CEP44: variants seen among roughly 807,000 people sequenced by gnomAD.
The protein encoded by CEP44 is centrosomal protein of 44 kDa.
A neutral mutation model predicts 46.7 loss-of-function variants in CEP44; 45 were observed. That is an observed-to-expected ratio of 0.96 (90% CI 0.76 to 1.24). CEP44 has a LOEUF of 1.24. Ranked by LOEUF, CEP44 falls within the 50% of genes most tolerant of loss-of-function variation. The pLI, the probability that CEP44 is intolerant of heterozygous loss-of-function variation, is 0.00. For missense variants in CEP44, 475 were observed against 459.7 expected (o/e 1.03, Z -0.30); for synonymous variants, 142 against 146.0 (o/e 0.97, Z 0.20).
Position 174,331,599 on chromosome 4 carries a change from C to G in CEP44, c.*4C>G, listed in dbSNP as rs1191163133. 6.4e-7 allele frequency: 1 copy of G among 1,550,926 alleles called. No individual in the cohort carries two copies. On this transcript the variant is annotated 3_prime_UTR_variant, in exon 9 of 9. Coordinates refer to the CEP44 transcript ENST00000426172. The surrounding 1 kb of genome is among the most constrained non-coding windows in gnomAD (Gnocchi z 4.5). ...TTGGCCTCTCTCCTGTGTGTAATCT[C>G]TGTTTCTTGGATCCTGTGCTTACCT...
rs1740820231 is a variant in CEP44, at chr4:174,309,409, T to TA, written c.679-440dup. Among the ~76,000 whole-genome samples, 1 of 152,072 alleles carries TA rather than the reference T, an allele frequency of 6.6e-6. No individual in the cohort carries two copies. ...AGTATATCAATATACAGTTGGCACT[T>TA]ACAAAAACTACCAGATGGCCATTGG... On this transcript the variant is annotated intron_variant, in intron 7 of 11. Coordinates refer to ENST00000503780, the MANE Select transcript of CEP44 (RefSeq NM_001040157.3). The surrounding 1 kb of genome is among the most constrained non-coding windows in gnomAD (Gnocchi z 5.3).
chr4:174,288,825 C>A lies in CEP44; in HGVS notation c.-148+4882C>A, dbSNP rs2126494208. Among the ~76,000 whole-genome samples the A allele has an allele frequency of 2.0e-5, 3 of 152,254 alleles. No homozygotes were observed. In the South Asian group the frequency reaches 6.2e-4, roughly 32 times the overall value. On this transcript the variant is annotated intron_variant, in intron 1 of 11. Coordinates refer to ENST00000503780, the MANE Select transcript of CEP44 (RefSeq NM_001040157.3). This position sits in a 1 kb window ranked among gnomAD's most constrained non-coding sequence, Gnocchi z 4.6. ...AAGTAGGCAACCTTGCCTTGTTCCT[C>A]ATCTTATGGGGAAAGCTTTCAGTTT...
intron 1 of CEP44, among the ~76,000 whole-genome samples, chr4:174,295,767 C>T (rs1211364181): frequency 2.0e-5 from 3 of 152,240 alleles, no homozygotes; most frequent in African/African-American, 7.2e-5. Flanking sequence ...TCCATATATC[C>T]TCTTTAGTGA....
chr4:174,294,206 G>C (rs1560890019), intron 1 of CEP44, among the ~76,000 whole-genome samples: 2 of 151,250 alleles, frequency 1.3e-5, no homozygotes. Context: ...CGCAGTGTTT[G>C]TGTCCCTGGG....
In CEP44 at chr4:174,331,770, T is replaced by G. The variant is rs1292293019; in HGVS notation, c.*175T>G. On this transcript the variant is annotated 3_prime_UTR_variant, in exon 9 of 9. Transcript: ENST00000426172. The surrounding 1 kb of genome is among the most constrained non-coding windows in gnomAD (Gnocchi z 4.5). ...TTCCTTCCTGCTACATGGGTAACAC[T>G]TAGTTGTTTGTCTAATTTCTATTTT... The G allele has an allele frequency of 2.7e-6, 2 of 730,210 alleles. No homozygotes were observed. The highest frequency in any genetic ancestry group is 4.0e-6 in the Non-Finnish European group (2 of 503,584). 45.2% of individuals were successfully genotyped at this position (730,210 alleles called of 1,614,324 possible).
At chr4:174,302,276 C>A in intron 4 of CEP44, 90 bp downstream of exon 4, 1 of 757,930 alleles carries the variant, frequency 1.3e-6, no homozygotes, top group Non-Finnish European at 2.2e-6. Flanking sequence ...ATATATGCAG[C>A]ATATACAATT....
In CEP44 at chr4:174,311,428, T is replaced by C. The variant is rs540475589; in HGVS notation, c.961+570T>C. Among the ~76,000 whole-genome samples the C allele has an allele frequency of 1.2e-3, 179 of 152,224 alleles. No individual in the cohort carries two copies. Among genetic ancestry groups the C allele is most frequent in the African/African-American group, 2.5e-3 (106 of 41,576 alleles). On this transcript the variant is annotated intron_variant, in intron 9 of 11. Coordinates refer to ENST00000503780, the MANE Select transcript of CEP44 (RefSeq NM_001040157.3). The surrounding 1 kb of genome is among the most constrained non-coding windows in gnomAD (Gnocchi z 4.4). ...AGTGACAGCTTTGTTTTGATTGTTA[T>C]GTATTTTTAAAAGATCTAAATTTTG... is the stretch of plus-strand genomic sequence containing the variant.
intron 2 of CEP44, among the ~76,000 whole-genome samples, chr4:174,298,792 T>C (rs1260118936): frequency 6.6e-6 from 1 of 152,120 alleles, no homozygotes; most frequent in Non-Finnish European, 1.5e-5. Flanking sequence ...AAAAAAACTA[T>C]TTGGGCAAGT....
intron 1 of CEP44, among the ~76,000 whole-genome samples, chr4:174,293,364 T>G (rs1219274673): frequency 6.6e-6 from 1 of 152,186 alleles, no homozygotes; most frequent in African/African-American, 2.4e-5. Context: ...AGCCTTCTAC[T>G]TGGACCCATC....
exon 9 of CEP44, chr4:174,332,784 A>G (rs1487410001): frequency 2.0e-5 from 3 of 152,198 alleles, no homozygotes; most frequent in African/African-American, 7.2e-5. Flanking sequence ...GAGCATATCC[A>G]TAAACTCTGG....
At chr4:174,291,948 G>C (rs1373050662) in intron 1 of CEP44, among the ~76,000 whole-genome samples, 4 of 151,298 alleles carry the variant, frequency 2.6e-5, no homozygotes, top group African/African-American at 9.7e-5. Context: ...GCACCACCAT[G>C]ACTGGCTAAT....
intron 8 of CEP44, among the ~76,000 whole-genome samples, chr4:174,330,083 T>C (rs1253392130): frequency 4.6e-5 from 7 of 152,216 alleles, no homozygotes. Flanking sequence ...ATTAAAATTT[T>C]CTTTAAAAGT....
chr4:174,294,815 C>T (rs1738707461), intron 1 of CEP44, among the ~76,000 whole-genome samples: 2 of 139,142 alleles, frequency 1.4e-5, no homozygotes, highest in Admixed American at 7.0e-5. Flanking sequence ...CTGACCCCCC[C>T]ACCTCCCTCC....
In CEP44 at chr4:174,317,908, C is replaced by A. The variant is rs1741915914; in HGVS notation, c.*525C>A. On this transcript the variant is annotated 3_prime_UTR_variant, in exon 12 of 12. Transcript: ENST00000503780. ...TCATGCTTGGTCAAAAACATCAATA[C>A]CTTTCCAATTAACACTGAGAAATTA... The A allele has an allele frequency of 8.1e-6, 8 of 985,470 alleles. No homozygotes were observed. The South Asian group carries it at 1.9e-4, about 23-fold the overall frequency. 61.0% of individuals were successfully genotyped at this position (985,470 alleles called of 1,614,324 possible).
chr4:174,310,005 T>A lies in CEP44; in HGVS notation c.834T>A (p.Asn278Lys). ...KVMVDENTWT[N>K]LLSRVTLLET... ...TGGTAGATGAAAACACCTGGACTAATCTTCTTAGTCGTGTCACTCTTCTTG... is the reference window on the plus strand; with the variant it reads ...TGGTAGATGAAAACACCTGGACTAAACTTCTTAGTCGTGTCACTCTTCTTG... The change falls in exon 8 of 12, where the codon AAT becomes AAA. Residue 278 changes from asparagine to lysine, a missense_variant. Transcript: ENST00000503780. The surrounding 1 kb of genome is among the most constrained non-coding windows in gnomAD (Gnocchi z 4.2). 6.2e-7 allele frequency: 1 copy of A among 1,612,698 alleles called. No individual in the cohort carries two copies. Among genetic ancestry groups the A allele is most frequent in the East Asian group, 2.2e-5 (1 of 44,744 alleles).
At chr4:174,316,589 CAG>C (rs1369540760) in intron 11 of CEP44, 22 bp downstream of exon 11, 1 of 1,576,402 alleles carries the variant, frequency 6.3e-7, no homozygotes, top group Non-Finnish European at 8.7e-7. Flanking sequence ...AAAGGGGCAA[CAG>C]AAATTCATTT....
At position 174,301,933 on chromosome 4, in the gene CEP44, G is replaced by A; in HGVS notation, c.90-106G>A. On this transcript the variant is annotated intron_variant, in intron 3 of 11. Transcript: ENST00000503780. This position sits in a 1 kb window ranked among gnomAD's most constrained non-coding sequence, Gnocchi z 4.3. Reference sequence around the variant, plus strand: ...CTAATTATTATAGCTATAGTGTTAAGTTTTAAATTATTATAAACATTTCTA... The same window carrying A: ...CTAATTATTATAGCTATAGTGTTAAATTTTAAATTATTATAAACATTTCTA... 1.9e-6 allele frequency: 2 copies of A among 1,028,762 alleles called. No individual in the cohort carries two copies. Among genetic ancestry groups the A allele is most frequent in the Non-Finnish European group, 2.8e-6 (2 of 723,664 alleles). 63.7% of individuals were successfully genotyped at this position (1,028,762 alleles called of 1,614,324 possible).
chr4:174,293,686 G>T (rs1211863499), intron 1 of CEP44, among the ~76,000 whole-genome samples: 1 of 151,896 alleles, frequency 6.6e-6, no homozygotes, highest in Non-Finnish European at 1.5e-5. Context: ...ACTTTTAGGG[G>T]GTTTTTTTTG....
At chr4:174,332,938 A>G (rs1023464188) in exon 9 of CEP44, 5 of 152,138 alleles carry the variant, frequency 3.3e-5, no homozygotes, top group African/African-American at 4.8e-5. Context: ...CACATTTTCT[A>G]ATAGAAACAA....
Sources: allele counts gnomAD v4.1 joint callset (sites outside exome capture counted in the v4.1 genomes callset), GRCh38; gene constraint gnomAD v4.1.1; non-coding constraint Gnocchi (gnomAD v3.1); transcripts MANE v1.5; gene names NCBI Gene and HGNC (gene_info 2026-07-23, HGNC 2026-07-21).